Variants in NECTIN3 observed in about 807,000 individuals in gnomAD.
NECTIN3 encodes the protein nectin-3.
A neutral mutation model predicts 49.4 loss-of-function variants in NECTIN3; 8 were observed. That is an observed-to-expected ratio of 0.16 (90% confidence interval 0.10 to 0.29). The LOEUF is 0.29. Ranked by LOEUF, NECTIN3 falls within the 10% of genes least tolerant of loss-of-function variation. NECTIN3 has a pLI of 1.00. For missense variants in NECTIN3, 581 were observed against 654.6 expected (o/e 0.89, Z 1.23); for synonymous variants, 277 against 241.1 (o/e 1.15, Z -1.38).
In NECTIN3 at chr3:111,182,174, T is replaced by A. The variant is rs372028487; in HGVS notation, c.1222-10177T>A. Among the ~76,000 whole-genome samples the A allele has an allele frequency of 2.0e-5, 3 of 152,238 alleles. No homozygotes were observed. The South Asian group carries it at 6.2e-4, about 32-fold the overall frequency. On this transcript the variant is annotated intron_variant, in intron 7 of 8. Transcript: ENST00000493615. ...TTTTAATTATTTATTTTTCGTTAAT[T>A]TTTTTATGGTTAGAAAATATATCTG...
chr3:111,110,772 G>A (rs1393169011), intron 1 of NECTIN3, among the ~76,000 whole-genome samples: 1 of 152,060 alleles, frequency 6.6e-6, no homozygotes, highest in Admixed American at 6.6e-5. Context: ...GCTGTTAAGT[G>A]TAGTCAGTGT....
chr3:111,137,085 T>C lies in NECTIN3; in HGVS notation c.*2870T>C. The C allele has an allele frequency of 1.0e-6, 1 of 983,148 alleles. No individual in the cohort carries two copies. The allele number at this position is 983,148 out of a possible 1,614,324, so 60.9% of individuals were successfully genotyped here. ...CTAAATATTTTGCATTAAGGAGCTG[T>C]AGGAGTACAGTGTATAAGTACAGAA... On this transcript the variant is annotated 3_prime_UTR_variant, in exon 6 of 6. Transcript: ENST00000485303.
intron 1 of NECTIN3, among the ~76,000 whole-genome samples, chr3:111,080,626 A>G (rs1188013133): frequency 1.3e-5 from 2 of 151,288 alleles, no homozygotes; most frequent in Non-Finnish European, 2.9e-5. Flanking sequence ...GTTAAGTAAT[A>G]TTTACTGTTA....
At chr3:111,093,307 A>C (rs1254411282) in intron 1 of NECTIN3, among the ~76,000 whole-genome samples, 1 of 152,144 alleles carries the variant, frequency 6.6e-6, no homozygotes, top group East Asian at 1.9e-4. Context: ...ATGCATTTGG[A>C]GCTGAGAGGC....
intron 7 of NECTIN3, among the ~76,000 whole-genome samples, chr3:111,179,535 CACAG>C (rs1039038641): frequency 2.0e-5 from 3 of 152,214 alleles, no homozygotes; most frequent in South Asian, 2.1e-4. Context: ...GGATGTAATA[CACAG>C]ACAGAAGACA....
At chr3:111,107,652 C>T (rs1456459683) in intron 1 of NECTIN3, among the ~76,000 whole-genome samples, 1 of 152,068 alleles carries the variant, frequency 6.6e-6, no homozygotes, top group African/African-American at 2.4e-5. Context: ...TTCTTCAGGA[C>T]CTTTCTGCTC....
At chr3:111,114,173 C>T (rs2033590653) in intron 2 of NECTIN3, among the ~76,000 whole-genome samples, 1 of 152,026 alleles carries the variant, frequency 6.6e-6, no homozygotes, top group Admixed American at 6.6e-5. Context: ...CTACTTTTCT[C>T]GCTTCATCTA....
intron 7 of NECTIN3, among the ~76,000 whole-genome samples, chr3:111,167,520 C>A (rs986710031): frequency 2.6e-5 from 4 of 152,050 alleles, no homozygotes; most frequent in African/African-American, 9.7e-5. Context: ...TTGTTATAAT[C>A]ACAAAAAGAA....
Position 111,085,687 on chromosome 3 carries a change from T to C in NECTIN3, c.160+13510T>C, listed in dbSNP as rs535342683. On this transcript the variant is annotated intron_variant, in intron 1 of 5. Coordinates refer to ENST00000485303, the MANE Select transcript of NECTIN3 (RefSeq NM_015480.3). ...ACACTGTGAGATTCATCCATGTTGT[T>C]GCATGTAGCAGTATTTTTTTTTTTT... 8.5e-5 allele frequency among the ~76,000 whole-genome samples: 13 copies of C among 152,242 alleles called. No homozygotes were observed. The East Asian group carries it at 1.9e-3, about 23-fold the overall frequency.
intron 7 of NECTIN3, among the ~76,000 whole-genome samples, chr3:111,162,433 C>T (rs1037865065): frequency 1.3e-5 from 2 of 152,048 alleles, no homozygotes; most frequent in East Asian, 1.9e-4. Flanking sequence ...AGGGGCTTTT[C>T]CCCCTTTTGC....
chr3:111,112,175 T>G lies in NECTIN3; in HGVS notation c.306T>G (p.Val102=). Reference sequence around the variant, plus strand: ...TACATGGCAAAAGTTCACAGACTGTTGCAGTTCACCATCCCCAATATGGAT... The same window carrying G: ...TACATGGCAAAAGTTCACAGACTGTGGCAGTTCACCATCCCCAATATGGAT... ...EKIHGKSSQT[V]AVHHPQYGFS... is the part of the protein sequence containing the mutation. The change falls in exon 2 of 6, where the codon GTT becomes GTG. Residue 102 remains valine (V), a synonymous_variant. Coordinates refer to ENST00000485303, the MANE Select transcript of NECTIN3 (RefSeq NM_015480.3). The G allele has an allele frequency of 6.2e-7, 1 of 1,613,922 alleles. No individual in the cohort carries two copies. The highest frequency in any genetic ancestry group is 8.5e-7 in the Non-Finnish European group (1 of 1,179,916).
intron 1 of NECTIN3, among the ~76,000 whole-genome samples, chr3:111,084,597 G>C (rs556195342): frequency 1.3e-5 from 2 of 152,206 alleles, no homozygotes; most frequent in South Asian, 4.2e-4. Context: ...GAAAGTTTGA[G>C]AACAAGGGTG....
intron 1 of NECTIN3, among the ~76,000 whole-genome samples, chr3:111,087,484 C>G (rs1449663044): frequency 2.0e-5 from 3 of 151,966 alleles, no homozygotes; most frequent in Non-Finnish European, 4.4e-5. Context: ...AAAATCCTGT[C>G]TCTATTAAAA....
chr3:111,099,571 C>G (rs2032782343), intron 1 of NECTIN3, among the ~76,000 whole-genome samples: 1 of 152,066 alleles, frequency 6.6e-6, no homozygotes, highest in Non-Finnish European at 1.5e-5. Flanking sequence ...AATATTTGAA[C>G]ACTTAATATG....
At chr3:111,184,325 T>A (rs1207229835) in intron 7 of NECTIN3, among the ~76,000 whole-genome samples, 1 of 152,266 alleles carries the variant, frequency 6.6e-6, no homozygotes, top group Non-Finnish European at 1.5e-5. Flanking sequence ...AAAAGTCATA[T>A]TGAAATTTAA....
intron 1 of NECTIN3, 171 bp downstream of exon 1, chr3:111,072,348 A>T (rs2030824935): frequency 9.7e-6 from 14 of 1,449,864 alleles, no homozygotes; most frequent in South Asian, 1.4e-5. Context: ...GAGGCCCTGG[A>T]AGGGCCAGGC....
At chr3:111,083,401 A>G (rs549785913) in intron 1 of NECTIN3, among the ~76,000 whole-genome samples, 42 of 152,270 alleles carry the variant, frequency 2.8e-4, no homozygotes, top group African/African-American at 9.9e-4. Flanking sequence ...GGTTTAGATG[A>G]GGTCAGGAGG....
rs962411134 is a variant in NECTIN3 at position 111,184,796 on chromosome 3, G to T, written c.1222-7555G>T. Among the ~76,000 whole-genome samples, 5 of 152,148 alleles carry T rather than the reference G, an allele frequency of 3.3e-5. No homozygotes were observed. In the South Asian group the frequency reaches 6.2e-4, roughly 19 times the overall value. Reference sequence around the variant, plus strand: ...GAATTCAGTTATTTTCTGGAAGTCAGTTAATTTACTTCAAGATCAACCTGA... The same window carrying T: ...GAATTCAGTTATTTTCTGGAAGTCATTTAATTTACTTCAAGATCAACCTGA... On this transcript the variant is annotated intron_variant, in intron 7 of 8. Transcript: ENST00000493615.
chr3:111,129,862 C>G (rs1377617898), intron 5 of NECTIN3, among the ~76,000 whole-genome samples: 1 of 151,760 alleles, frequency 6.6e-6, no homozygotes, highest in African/African-American at 2.4e-5. Context: ...GTTGCCCAGG[C>G]TGGTCTTGAA....
Sources: allele counts gnomAD v4.1 joint callset (sites outside exome capture counted in the v4.1 genomes callset), GRCh38; gene constraint gnomAD v4.1.1; transcripts MANE v1.5; gene names NCBI Gene and HGNC (gene_info 2026-07-23, HGNC 2026-07-21).